BICC1: variants seen among roughly 807,000 people sequenced by gnomAD.
BICC1 encodes BicC family RNA binding protein 1.
Under a neutral mutation model 111.0 loss-of-function variants are expected in BICC1, and 43 were observed. The observed-to-expected ratio is 0.39, with a 90% CI of 0.30 to 0.50. The LOEUF (loss-of-function observed/expected upper bound fraction) is 0.50. Among genes scored for constraint, BICC1 ranks in the 20% least tolerant of loss-of-function variants. BICC1 has a pLI of 0.88. For synonymous variants in BICC1, 467 were observed against 434.4 expected (o/e 1.07, Z -0.93); for missense variants, 1,091 against 1,203.2 (o/e 0.91, Z 1.38).
At chr10:58,827,862 A>G (rs2133001973) in intron 20 of BICC1, among the ~76,000 whole-genome samples, 1 of 152,256 alleles carries the variant, frequency 6.6e-6, no homozygotes. Context: ...AGCCTCTACT[A>G]TGCCTGAAAC....
intron 1 of BICC1, 41 bp downstream of exon 1, chr10:58,513,374 C>CG (rs1167450251): frequency 2.0e-6 from 3 of 1,516,880 alleles, no homozygotes; most frequent in Non-Finnish European, 2.7e-6. Context: ...GACTGAGCCT[C>CG]TAACTCCTTT....
At chr10:58,693,781 G>T (rs2132420291) in intron 2 of BICC1, among the ~76,000 whole-genome samples, 1 of 152,038 alleles carries the variant, frequency 6.6e-6, no homozygotes, top group East Asian at 1.9e-4. Flanking sequence ...AGATGAGTAG[G>T]TTGCAAAAAT....
At chr10:58,521,345 C>T (rs1229352710) in intron 1 of BICC1, among the ~76,000 whole-genome samples, 1 of 152,074 alleles carries the variant, frequency 6.6e-6, no homozygotes, top group African/African-American at 2.4e-5. Context: ...GTGCCAGGTG[C>T]GGAGCAGGTA....
intron 2 of BICC1, among the ~76,000 whole-genome samples, chr10:58,639,863 C>A (rs1838071282): frequency 6.6e-6 from 1 of 151,538 alleles, no homozygotes; most frequent in Non-Finnish European, 1.5e-5. Flanking sequence ...AAGGCATGTG[C>A]CACCATGCCT....
At chr10:58,514,217 C>T (rs10763552) in intron 1 of BICC1, among the ~76,000 whole-genome samples, 77,562 of 151,954 alleles carry the variant, frequency 0.51, 20,246 homozygotes, top group African/African-American at 0.61. Flanking sequence ...TACCTGTAGC[C>T]ACCGATGTGG....
chr10:58,788,502 A>G (rs935138790), intron 6 of BICC1, 79 bp downstream of exon 6: 1 of 1,019,174 alleles, frequency 9.8e-7, no homozygotes, highest in Non-Finnish European at 1.5e-6. Context: ...ATAATAATTT[A>G]TCATTTTATA....
chr10:58,799,040 T>C lies in BICC1; in HGVS notation c.1529-16T>C, dbSNP rs760706852. The C allele has an allele frequency of 6.6e-7, 1 of 1,516,464 alleles. No homozygotes were observed. The highest frequency in any genetic ancestry group is 1.3e-5 in the South Asian group (1 of 78,468). 93.9% of individuals were successfully genotyped at this position (1,516,464 alleles called of 1,614,324 possible). A position where few individuals can be genotyped will look rare whatever the true frequency, so the allele number is the denominator to read the frequency against. On this transcript the variant is annotated splice_polypyrimidine_tract_variant and intron_variant, in intron 11 of 20. Transcript: ENST00000373886. ...AGTTTCTTCCTAATATCTGTCATCA[T>C]AAAATGTTGTTGTAGGTTTTTCTGC...
Position 58,829,653 on chromosome 10 carries a change from G to A in BICC1, c.*762G>A, listed in dbSNP as rs1844502276. 1 of 152,108 alleles carries A rather than the reference G, an allele frequency of 6.6e-6. No homozygotes were observed. Among genetic ancestry groups the A allele is most frequent in the South Asian group, 2.1e-4 (1 of 4,824 alleles). 9.4% of individuals were successfully genotyped at this position (152,108 alleles called of 1,614,324 possible). Reference sequence around the variant, plus strand: ...GCAATGGACCTAGTTCACAGTAATAGGTGCAAAGAAAGACCAAATGGACTT... The same window carrying A: ...GCAATGGACCTAGTTCACAGTAATAAGTGCAAAGAAAGACCAAATGGACTT... On this transcript the variant is annotated 3_prime_UTR_variant, in exon 21 of 21. Coordinates refer to ENST00000373886, the MANE Select transcript of BICC1 (RefSeq NM_001080512.3).
At chr10:58,749,760 C>T (rs531297680) in intron 3 of BICC1, among the ~76,000 whole-genome samples, 1 of 152,096 alleles carries the variant, frequency 6.6e-6, no homozygotes, top group African/African-American at 2.4e-5. Flanking sequence ...AAGAAATGTC[C>T]AAGGAGCCAG....
rs143846398 is a variant in BICC1 at position 58,800,218 on chromosome 10, A to T, written c.1750A>T (p.Ile584Leu). 6.2e-7 allele frequency: 1 copy of T among 1,606,064 alleles called. No individual in the cohort carries two copies. The highest frequency in any genetic ancestry group is 2.2e-5 in the East Asian group (1 of 44,748). ...AQSPDIKYGA[I>L]STSSLGEKVL... ...GTCTCCAGATATAAAATATGGTGCA[A>T]TATCCACTTCATCACTTGGAGAAAA... is the stretch of plus-strand genomic sequence containing the variant. Residue 584 changes from isoleucine (I) to leucine (L), a missense_variant, in exon 13 of 21, where the codon ATA becomes TTA. By Grantham distance (5) the Ile-to-Leu change is conservative. Around this residue, in one of 3 missense-constraint regions of BICC1, gnomAD observed 843 missense variants for 900.8 expected, o/e 0.94. Coordinates refer to ENST00000373886, the MANE Select transcript of BICC1 (RefSeq NM_001080512.3).
At chr10:58,726,190 A>G (rs371207607) in intron 3 of BICC1, among the ~76,000 whole-genome samples, 38 of 152,342 alleles carry the variant, frequency 2.5e-4, no homozygotes, top group African/African-American at 8.7e-4. Context: ...GAGACCAGAT[A>G]AGCATGTGCA....
intron 20 of BICC1, among the ~76,000 whole-genome samples, chr10:58,821,835 C>A (rs1844259542): frequency 6.6e-6 from 1 of 152,052 alleles, no homozygotes; most frequent in South Asian, 2.1e-4. Context: ...AGTTTCCAAA[C>A]CTCTCTTGGC....
chr10:58,666,841 A>G (rs530783216), intron 2 of BICC1, among the ~76,000 whole-genome samples: 1 of 152,238 alleles, frequency 6.6e-6, no homozygotes, highest in Admixed American at 6.6e-5. Context: ...CTCTTTCTTA[A>G]TTGAATTATT....
intron 18 of BICC1, among the ~76,000 whole-genome samples, chr10:58,815,212 GT>G (rs1414321999): frequency 6.6e-6 from 1 of 152,160 alleles, no homozygotes; most frequent in Non-Finnish European, 1.5e-5. Context: ...ACAGTCAGTT[GT>G]TACGTTACTA....
chr10:58,721,686 CAAGAAG>C (rs1229372619), intron 3 of BICC1, among the ~76,000 whole-genome samples: 1 of 151,980 alleles, frequency 6.6e-6, no homozygotes, highest in African/African-American at 2.4e-5. Context: ...TGGGGAGGAG[CAAGAAG>C]AAAGAGAGGG....
intron 2 of BICC1, among the ~76,000 whole-genome samples, chr10:58,625,498 C>T (rs987858402): frequency 3.9e-5 from 6 of 151,976 alleles, no homozygotes; most frequent in Admixed American, 3.9e-4. Context: ...CAGTATTTTT[C>T]CTCAAAGTAT....
intron 3 of BICC1, among the ~76,000 whole-genome samples, chr10:58,707,761 A>C (rs1197439134): frequency 3.3e-5 from 5 of 151,848 alleles, no homozygotes; most frequent in African/African-American, 1.2e-4. Context: ...GCAATGGCGC[A>C]ATCTCGGCTC....
At chr10:58,588,683 C>A (rs1361511179) in intron 1 of BICC1, among the ~76,000 whole-genome samples, 1 of 152,084 alleles carries the variant, frequency 6.6e-6, no homozygotes, top group African/African-American at 2.4e-5. Flanking sequence ...GCTGTGCACA[C>A]GATGTCACAG....
At chr10:58,775,561 A>G (rs1444477158) in intron 3 of BICC1, among the ~76,000 whole-genome samples, 1 of 152,216 alleles carries the variant, frequency 6.6e-6, no homozygotes, top group Non-Finnish European at 1.5e-5. Context: ...TTAAAACTTT[A>G]TTCCCATCTC....
Sources: gnomAD v4.1 joint callset for allele counts (sites outside exome capture counted in the v4.1 genomes callset) on GRCh38, gnomAD v4.1.1 for gene constraint, gnomAD v4.1.1 regional missense constraint, MANE v1.5 for transcripts, NCBI Gene and HGNC (gene_info 2026-07-23, HGNC 2026-07-21) for gene names.